Variants in BANK1 observed in about 807,000 individuals in gnomAD.
BANK1 encodes the protein B-cell scaffold protein with ankyrin repeats.
Under a neutral mutation model 94.5 loss-of-function variants are expected in BANK1, and 95 were observed. That is an observed-to-expected ratio of 1.00 (90% confidence interval 0.85 to 1.19). The LOEUF (loss-of-function observed/expected upper bound fraction) is 1.19, where lower values mean the gene tolerates loss of function less well. Ranked by LOEUF, BANK1 falls within the 50% of genes most tolerant of loss-of-function variation. BANK1 has a pLI of 0.00. For synonymous variants in BANK1, 334 were observed against 308.4 expected (o/e 1.08, Z -0.87); for missense variants, 987 against 932.2 (o/e 1.06, Z -0.77).
At chr4:101,795,437 G>A (rs1398702962) in intron 1 of BANK1, among the ~76,000 whole-genome samples, 1 of 151,864 alleles carries the variant, frequency 6.6e-6, no homozygotes, top group East Asian at 1.9e-4. Context: ...TTTCTAGGAT[G>A]GGGAGTGGAG....
At chr4:101,918,279 T>C (rs1018111920) in intron 7 of BANK1, 90 bp downstream of exon 7, 4 of 896,246 alleles carry the variant, frequency 4.5e-6, no homozygotes, top group African/African-American at 1.7e-5. Flanking sequence ...ACCTTTACCG[T>C]TTTCTTTAAG....
intron 4 of BANK1, among the ~76,000 whole-genome samples, chr4:101,863,716 A>G (rs1727968314): frequency 6.6e-6 from 1 of 152,130 alleles, no homozygotes. Context: ...TAGAAGTGAA[A>G]TGAGAAAAAC....
chr4:102,011,696 T>C (rs1298461358), intron 7 of BANK1, among the ~76,000 whole-genome samples: 2 of 152,170 alleles, frequency 1.3e-5, no homozygotes, highest in African/African-American at 2.4e-5. Context: ...ATAACAATAT[T>C]GTTTCTTCTA....
chr4:102,009,774 C>T (rs989612547), intron 7 of BANK1, among the ~76,000 whole-genome samples: 8 of 151,936 alleles, frequency 5.3e-5, no homozygotes, highest in African/African-American at 1.9e-4. Context: ...AGATCGGTGA[C>T]TGGTAAATAG....
At chr4:101,800,978 G>A (rs1725339712) in intron 1 of BANK1, among the ~76,000 whole-genome samples, 1 of 152,124 alleles carries the variant, frequency 6.6e-6, no homozygotes, top group South Asian at 2.1e-4. Context: ...GGCTGGTCTT[G>A]AACTCCTGAC....
chr4:102,060,134 C>CTTAT (rs1457454201), intron 11 of BANK1, 77 bp from the exon 12 acceptor site: 5 of 1,310,416 alleles, frequency 3.8e-6, no homozygotes, highest in Non-Finnish European at 5.1e-6. Context: ...ACTCCAATGG[C>CTTAT]TTATTTGTAG....
chr4:101,938,254 T>C (rs1434139160), intron 7 of BANK1, among the ~76,000 whole-genome samples: 2 of 151,082 alleles, frequency 1.3e-5, no homozygotes, highest in Admixed American at 1.3e-4. Flanking sequence ...AATAAAACAA[T>C]TGAACACATA....
At chr4:101,987,936 C>T (rs1433847044) in intron 7 of BANK1, among the ~76,000 whole-genome samples, 1 of 152,150 alleles carries the variant, frequency 6.6e-6, no homozygotes, top group Non-Finnish European at 1.5e-5. Flanking sequence ...CAAGATTCTC[C>T]ACATCCCCTT....
intron 6 of BANK1, among the ~76,000 whole-genome samples, chr4:101,896,538 A>T (rs1457083750): frequency 1.3e-5 from 2 of 151,998 alleles, no homozygotes; most frequent in Non-Finnish European, 2.9e-5. Flanking sequence ...ATGGTATGCT[A>T]ACTGTGAATA....
intron 7 of BANK1, among the ~76,000 whole-genome samples, chr4:101,965,429 A>G (rs1724719900): frequency 6.6e-6 from 1 of 152,028 alleles, no homozygotes; most frequent in Non-Finnish European, 1.5e-5. Flanking sequence ...TAAACCCTGG[A>G]TAATGTTAAA....
At position 101,801,827 on chromosome 4, in the gene BANK1, A is replaced by C. The variant is rs540792898; in HGVS notation, c.70+10877A>C. Among the ~76,000 whole-genome samples, 14 of 152,304 alleles carry C rather than the reference A, an allele frequency of 9.2e-5. No homozygotes were observed. In the East Asian group the frequency reaches 2.7e-3, roughly 29 times the overall value. ...CACAAATATTTTTCTTTTATCACTT[A>C]TTTGTTAAATAATTTTGATTGTAAT... On this transcript the variant is annotated intron_variant, in intron 1 of 16. Coordinates refer to ENST00000322953, the MANE Select transcript of BANK1 (RefSeq NM_017935.5).
chr4:101,937,821 A>G (rs1195134788), intron 7 of BANK1, among the ~76,000 whole-genome samples: 1 of 151,932 alleles, frequency 6.6e-6, no homozygotes, highest in African/African-American at 2.4e-5. Context: ...TCACAATAGC[A>G]AAGACTTTGA....
intron 2 of BANK1, among the ~76,000 whole-genome samples, chr4:101,851,445 T>G (rs1727472954): frequency 6.6e-6 from 1 of 152,184 alleles, no homozygotes; most frequent in Non-Finnish European, 1.5e-5. Context: ...CACAACTGTA[T>G]GCACTAGAGA....
intron 7 of BANK1, among the ~76,000 whole-genome samples, chr4:101,922,147 T>C (rs1331192915): frequency 6.6e-6 from 1 of 151,576 alleles, no homozygotes; most frequent in Non-Finnish European, 1.5e-5. Flanking sequence ...AATACAGGTA[T>C]GGAGGGGTAG....
chr4:101,913,915 G>A (rs945080061), intron 6 of BANK1, among the ~76,000 whole-genome samples: 2 of 152,246 alleles, frequency 1.3e-5, no homozygotes, highest in African/African-American at 2.4e-5. Flanking sequence ...TCATCATGCA[G>A]GTGCTTTGGA....
At chr4:101,919,793 T>C (rs989373178) in intron 7 of BANK1, among the ~76,000 whole-genome samples, 1 of 152,012 alleles carries the variant, frequency 6.6e-6, no homozygotes, top group Non-Finnish European at 1.5e-5. Flanking sequence ...CAGTAAGGAA[T>C]TGACTGTAGC....
At chr4:102,002,460 G>A (rs977998664) in intron 7 of BANK1, among the ~76,000 whole-genome samples, 3 of 151,586 alleles carry the variant, frequency 2.0e-5, no homozygotes, top group African/African-American at 7.3e-5. Flanking sequence ...CTACTACATA[G>A]TATGCACTCC....
In BANK1 at chr4:101,892,876, A is replaced by G. The variant is rs559919254; in HGVS notation, c.904-2429A>G. Among the ~76,000 whole-genome samples the G allele has an allele frequency of 3.4e-4, 51 of 152,120 alleles. 1 individual carries two copies. The South Asian group carries it at 7.9e-3, about 23-fold the overall frequency. ...TTTGAAACATAATTTTAAAAGGAGC[A>G]TAACTACTCCAGTCAGATATTTTTG... On this transcript the variant is annotated intron_variant, in intron 5 of 16. Coordinates refer to ENST00000322953, the MANE Select transcript of BANK1 (RefSeq NM_017935.5).
chr4:101,822,486 A>G (rs1459905186), intron 1 of BANK1, among the ~76,000 whole-genome samples: 1 of 152,216 alleles, frequency 6.6e-6, no homozygotes, highest in African/African-American at 2.4e-5. Context: ...ACAATTTATT[A>G]TTCAAATGCT....
Sources: gnomAD v4.1 joint callset for allele counts (sites outside exome capture counted in the v4.1 genomes callset) on GRCh38, gnomAD v4.1.1 for gene constraint, MANE v1.5 for transcripts, NCBI Gene and HGNC (gene_info 2026-07-23, HGNC 2026-07-21) for gene names.